Variants in ABCA13 observed in about 807,000 individuals in gnomAD.
The protein encoded by ABCA13 is ATP-binding cassette sub-family A member 13.
Under a neutral mutation model 478.7 loss-of-function variants are expected in ABCA13, and 476 were observed. The ratio of observed to expected loss-of-function variants is 0.99; its 90% CI spans 0.92 to 1.07. The LOEUF (loss-of-function observed/expected upper bound fraction) is 1.07. Among genes scored for constraint, ABCA13 ranks in the 50% least tolerant of loss-of-function variants. The pLI is 0.00. For missense variants in ABCA13, 6,060 were observed against 5,910.6 expected (o/e 1.03, Z -0.83); for synonymous variants, 2,252 against 2,158.9 (o/e 1.04, Z -1.20).
In ABCA13 at chr7:48,275,431, A is replaced by G. The variant is rs774654799; in HGVS notation, c.5765A>G (p.His1922Arg). ...GTGAAAACTGTGCAGAAATTTTGGC[A>G]TAAGATATTACCGTTTGTCCCACCT... ...SLVKTVQKFWHKILPFVPPSI... is the reference protein window; with the variant it reads ...SLVKTVQKFWRKILPFVPPSI... Residue 1922 changes from histidine (H) to arginine (R), a missense_variant, in exon 17 of 62, where the codon CAT (histidine) becomes CGT (arginine). Coordinates refer to ENST00000435803, the MANE Select transcript of ABCA13 (RefSeq NM_152701.5). The G allele has an allele frequency of 3.7e-6, 6 of 1,613,830 alleles. No homozygotes were observed. In the African/African-American group the frequency reaches 4.0e-5, roughly 11 times the overall value.
At chr7:48,306,740 C>T (rs781661867) in intron 23 of ABCA13, among the ~76,000 whole-genome samples, 3 of 152,214 alleles carry the variant, frequency 2.0e-5, no homozygotes, top group Non-Finnish European at 4.4e-5. Context: ...TGCACACTAG[C>T]ATACTAGAGT....
rs1250522300 is a variant in ABCA13 at position 48,279,153 on chromosome 7, G to A, written c.7959G>A (p.Arg2653=). Residue 2653 remains arginine (R), a synonymous_variant, in exon 18 of 62, where the codon AGG becomes AGA. Transcript: ENST00000435803. ...TGAAAATGAACTTGGAAGATATGAG[G>A]AGTCTTGCGGTAGCATTTAACAATG... is the stretch of plus-strand genomic sequence containing the variant. ...TSVKMNLEDM[R]SLAVAFNNET... 4 of 1,604,786 alleles carry A rather than the reference G, an allele frequency of 2.5e-6. No homozygotes were observed. The highest frequency in any genetic ancestry group is 3.4e-6 in the Non-Finnish European group (4 of 1,175,932).
intron 38 of ABCA13, among the ~76,000 whole-genome samples, chr7:48,400,968 C>T (rs931115703): frequency 6.6e-6 from 1 of 152,218 alleles, no homozygotes; most frequent in African/African-American, 2.4e-5. Flanking sequence ...AGCCCCAGTC[C>T]ATGTGGGGGG....
chr7:48,238,747 C>A (rs1470843136), intron 8 of ABCA13, among the ~76,000 whole-genome samples: 1 of 152,198 alleles, frequency 6.6e-6, no homozygotes, highest in African/African-American at 2.4e-5. Context: ...GGATTACAGG[C>A]GTGAGCCACC....
Position 48,171,557 on chromosome 7 carries a change from G to A in ABCA13, c.69+5G>A. On this transcript the variant is annotated splice_donor_5th_base_variant and intron_variant, in intron 1 of 61. Transcript: ENST00000435803. ...CTCTGCAGACTCAGGAACCCGGTGA[G>A]TGCTTGCCTTGGTTTTCCATAGGGT... 1 of 1,536,364 alleles carries A rather than the reference G, an allele frequency of 6.5e-7. No homozygotes were observed. The highest frequency in any genetic ancestry group is 8.7e-7 in the Non-Finnish European group (1 of 1,146,884).
intron 42 of ABCA13, among the ~76,000 whole-genome samples, chr7:48,454,369 G>A (rs943814551): frequency 6.6e-6 from 1 of 152,230 alleles, no homozygotes; most frequent in African/African-American, 2.4e-5. Flanking sequence ...AGGCTCCAAA[G>A]GATCACTCTT....
intron 42 of ABCA13, among the ~76,000 whole-genome samples, chr7:48,444,993 TTCTC>T (rs1824095806): frequency 6.8e-6 from 1 of 147,692 alleles, no homozygotes; most frequent in African/African-American, 2.5e-5. Flanking sequence ...CTTTCTTTCT[TTCTC>T]TCTTTCTTTC....
At chr7:48,188,203 G>A (rs897717198) in intron 1 of ABCA13, among the ~76,000 whole-genome samples, 15 of 152,156 alleles carry the variant, frequency 9.9e-5, no homozygotes, top group East Asian at 5.8e-4. Flanking sequence ...GTTGGGCTCC[G>A]TGCTCTCCTA....
At chr7:48,195,655 A>T (rs1390373461) in intron 2 of ABCA13, among the ~76,000 whole-genome samples, 1 of 152,162 alleles carries the variant, frequency 6.6e-6, no homozygotes, top group Non-Finnish European at 1.5e-5. Context: ...CGCCTAATCA[A>T]TCAGATTATG....
chr7:48,298,574 T>G (rs1799725371), intron 23 of ABCA13, 87 bp downstream of exon 23: 1 of 1,464,166 alleles, frequency 6.8e-7, no homozygotes, highest in African/African-American at 1.4e-5. Context: ...CTTTCTTCCT[T>G]CTTGCCTTCC....
chr7:48,175,770 C>T (rs934416998), intron 1 of ABCA13, among the ~76,000 whole-genome samples: 14 of 152,166 alleles, frequency 9.2e-5, no homozygotes, highest in Admixed American at 3.9e-4. Context: ...TCATATAGAG[C>T]ACTGGAACTC....
intron 24 of ABCA13, among the ~76,000 whole-genome samples, 171 bp downstream of exon 24, chr7:48,310,312 T>C (rs1801582347): frequency 6.6e-6 from 1 of 152,120 alleles, no homozygotes; most frequent in Admixed American, 6.5e-5. Flanking sequence ...AAGGTGGGGC[T>C]CAAGAAGACT....
intron 59 of ABCA13, among the ~76,000 whole-genome samples, chr7:48,633,935 G>C (rs201977731): frequency 1.4e-5 from 1 of 72,300 alleles, no homozygotes; most frequent in Non-Finnish European, 3.1e-5. Flanking sequence ...TAGATACATA[G>C]ATAGATAGAT....
At chr7:48,567,810 A>T (rs6954223) in intron 55 of ABCA13, among the ~76,000 whole-genome samples, 18,398 of 152,018 alleles carry the variant, frequency 0.12, 1,338 homozygotes, top group East Asian at 0.17. Flanking sequence ...TATATAAATG[A>T]GATCATACAG....
intron 29 of ABCA13, among the ~76,000 whole-genome samples, chr7:48,345,177 G>A (rs1237161022): frequency 1.3e-5 from 2 of 152,308 alleles, no homozygotes; most frequent in African/African-American, 4.8e-5. Context: ...CTACTGCACT[G>A]CCAGTCATAT....
chr7:48,344,540 T>C (rs1009265916), intron 29 of ABCA13, among the ~76,000 whole-genome samples: 5 of 152,226 alleles, frequency 3.3e-5, no homozygotes, highest in Non-Finnish European at 5.9e-5. Context: ...TTATACTATG[T>C]TGTTTTATGT....
chr7:48,491,202 G>C (rs966245190), intron 48 of ABCA13, among the ~76,000 whole-genome samples: 2 of 152,194 alleles, frequency 1.3e-5, no homozygotes, highest in African/African-American at 2.4e-5. Flanking sequence ...ATGTGCGTAG[G>C]ATTCAGAAAA....
At chr7:48,295,558 A>G in intron 20 of ABCA13, 142 bp from the exon 21 acceptor site, 3 of 1,065,932 alleles carry the variant, frequency 2.8e-6, no homozygotes, top group Non-Finnish European at 4.0e-6. Context: ...TTCCACAGCC[A>G]AGGGCTCTTT....
intron 42 of ABCA13, among the ~76,000 whole-genome samples, chr7:48,432,193 T>A (rs1822240122): frequency 6.6e-6 from 1 of 152,096 alleles, no homozygotes; most frequent in Admixed American, 6.5e-5. Context: ...AAGGAAGACA[T>A]GCAAATGGCC....
Sources: allele counts gnomAD v4.1 joint callset (sites outside exome capture counted in the v4.1 genomes callset), GRCh38; gene constraint gnomAD v4.1.1; transcripts MANE v1.5; gene names NCBI Gene and HGNC (gene_info 2026-07-23, HGNC 2026-07-21).